The following SGCZ variants were observed in gnomAD, a reference collection of about 807,000 sequenced individuals.
The protein encoded by SGCZ is zeta-sarcoglycan.
Under a neutral mutation model 41.3 loss-of-function variants are expected in SGCZ, and 40 were observed. The observed-to-expected ratio is 0.97, with a 90% confidence interval of 0.75 to 1.26. The LOEUF (loss-of-function observed/expected upper bound fraction) is 1.26. SGCZ is among the 50% of genes most tolerant of loss of function. SGCZ has a pLI of 0.00. For synonymous variants in SGCZ, 206 were observed against 137.5 expected (o/e 1.50, Z -3.49); for missense variants, 552 against 369.8 (o/e 1.49, Z -4.04).
intron 1 of SGCZ, among the ~76,000 whole-genome samples, chr8:14,714,526 AT>A (rs1465800471): frequency 6.6e-6 from 1 of 152,140 alleles, no homozygotes; most frequent in African/African-American, 2.4e-5. Flanking sequence ...TCTAGAACAC[AT>A]TTTCTAAAAC....
intron 2 of SGCZ, among the ~76,000 whole-genome samples, chr8:14,384,731 T>G (rs1804505180): frequency 6.6e-6 from 1 of 152,124 alleles, no homozygotes; most frequent in South Asian, 2.1e-4. Flanking sequence ...GGCTAATTTT[T>G]GTAGAGACGA....
chr8:14,581,939 CCTGT>C (rs1804903555), intron 1 of SGCZ, among the ~76,000 whole-genome samples: 1 of 152,024 alleles, frequency 6.6e-6, no homozygotes, highest in South Asian at 2.1e-4. Context: ...AGTGAGTGTG[CCTGT>C]CTCTCATGCT....
chr8:14,459,674 A>G lies in SGCZ; in HGVS notation c.234+95058T>C, dbSNP rs986997905. On this transcript the variant is annotated intron_variant, in intron 2 of 7. Coordinates refer to ENST00000382080, the MANE Select transcript of SGCZ (RefSeq NM_139167.4). ...AAATGTAGCCAACAAAACTGTAAGGAAGTAATGATGCTTAACAACACTAGT... is the reference window on the plus strand; with the variant it reads ...AAATGTAGCCAACAAAACTGTAAGGGAGTAATGATGCTTAACAACACTAGT... Among the ~76,000 whole-genome samples the G allele has an allele frequency of 5.9e-5, 9 of 152,284 alleles. No individual in the cohort carries two copies. The East Asian group carries it at 1.5e-3, about 26-fold the overall frequency.
intron 1 of SGCZ, among the ~76,000 whole-genome samples, chr8:15,037,045 T>C (rs1017396277): frequency 6.6e-6 from 1 of 152,180 alleles, no homozygotes; most frequent in African/African-American, 2.4e-5. Flanking sequence ...CTGGACATCA[T>C]TTTATGATAC....
intron 1 of SGCZ, among the ~76,000 whole-genome samples, chr8:15,083,198 A>C (rs1805818685): frequency 6.6e-6 from 1 of 152,230 alleles, no homozygotes; most frequent in Non-Finnish European, 1.5e-5. Flanking sequence ...GATTATAAAC[A>C]TTCATATCAA....
intron 1 of SGCZ, among the ~76,000 whole-genome samples, chr8:15,182,467 C>T (rs184040496): frequency 1.3e-4 from 20 of 152,280 alleles, no homozygotes; most frequent in Non-Finnish European, 1.6e-4. Flanking sequence ...AGGCTACAAA[C>T]ATGTTTAGCA....
At chr8:14,758,359 T>C (rs1799752912) in intron 1 of SGCZ, among the ~76,000 whole-genome samples, 1 of 152,208 alleles carries the variant, frequency 6.6e-6, no homozygotes, top group Non-Finnish European at 1.5e-5. Context: ...AATTCAGTCA[T>C]TAATACTGAT....
intron 3 of SGCZ, among the ~76,000 whole-genome samples, chr8:14,297,886 A>C (rs565950322): frequency 2.6e-5 from 4 of 151,884 alleles, no homozygotes; most frequent in East Asian, 3.9e-4. Context: ...TTTGCCACTC[A>C]TTTTAGGAGG....
intron 1 of SGCZ, among the ~76,000 whole-genome samples, chr8:15,196,444 A>C (rs1430108084): frequency 6.6e-6 from 1 of 152,286 alleles, no homozygotes; most frequent in East Asian, 1.9e-4. Flanking sequence ...GCTAGAATAC[A>C]TGAAATGTTA....
intron 1 of SGCZ, among the ~76,000 whole-genome samples, chr8:14,915,544 C>T (rs1294251005): frequency 6.6e-6 from 1 of 152,128 alleles, no homozygotes; most frequent in Non-Finnish European, 1.5e-5. Flanking sequence ...CATCTTCCCT[C>T]CTCTTTGTCA....
At chr8:14,763,360 A>G (rs1415275727) in intron 1 of SGCZ, among the ~76,000 whole-genome samples, 3 of 152,172 alleles carry the variant, frequency 2.0e-5, no homozygotes, top group Non-Finnish European at 4.4e-5. Context: ...GAAACAAGCC[A>G]CAGAGTCCAA....
rs370130992 is a variant in SGCZ, at chr8:14,838,888, G to A, written c.40-283962C>T. ...AAGAGAGTCAGCATAGCGGGAACAG[G>A]GTAACCAAAGTGGTTAGAAGTAGGA... On this transcript the variant is annotated intron_variant, in intron 1 of 7. Coordinates refer to ENST00000382080, the MANE Select transcript of SGCZ (RefSeq NM_139167.4). 4.2e-4 allele frequency among the ~76,000 whole-genome samples: 64 copies of A among 152,154 alleles called. No homozygotes were observed. The East Asian group carries it at 4.5e-3, about 11-fold the overall frequency.
At chr8:14,514,697 A>G (rs1198655846) in intron 2 of SGCZ, among the ~76,000 whole-genome samples, 4 of 149,134 alleles carry the variant, frequency 2.7e-5, no homozygotes, top group Non-Finnish European at 5.9e-5. Context: ...ATATTTACAT[A>G]TATGTACACA....
Position 14,291,125 on chromosome 8 carries a change from A to G in SGCZ, c.336+32978T>C, listed in dbSNP as rs535763834. ...GTGTGGAATCTAAAAAGTTTTTATC[A>G]CAAAAGTACAGAGTAAAATAGCGGT... On this transcript the variant is annotated intron_variant, in intron 3 of 7. Coordinates refer to ENST00000382080, the MANE Select transcript of SGCZ (RefSeq NM_139167.4). 3.9e-5 allele frequency among the ~76,000 whole-genome samples: 6 copies of G among 152,182 alleles called. No homozygotes were observed. In the South Asian group the frequency reaches 1.2e-3, roughly 32 times the overall value.
chr8:14,484,192 C>T (rs142207971), intron 2 of SGCZ, among the ~76,000 whole-genome samples: 1 of 152,092 alleles, frequency 6.6e-6, no homozygotes, highest in Non-Finnish European at 1.5e-5. Flanking sequence ...CTATACAACT[C>T]AATGACGTTT....
intron 1 of SGCZ, among the ~76,000 whole-genome samples, chr8:14,769,816 C>CAAAAAAAAAAA (rs1800174947): frequency 1.1e-5 from 1 of 91,218 alleles, no homozygotes; most frequent in Non-Finnish European, 1.9e-5. Flanking sequence ...AAAAAAAAAA[C>CAAAAAAAAAAA]CCAGCAACAA....
At chr8:14,366,474 G>A (rs1413749404) in intron 2 of SGCZ, among the ~76,000 whole-genome samples, 1 of 152,070 alleles carries the variant, frequency 6.6e-6, no homozygotes, top group Non-Finnish European at 1.5e-5. Context: ...AAACACCTGT[G>A]GGTTACAATT....
In SGCZ at chr8:14,422,537, T is replaced by C. The variant is rs187739952; in HGVS notation, c.235-98333A>G. Among the ~76,000 whole-genome samples the C allele has an allele frequency of 1.4e-4, 21 of 152,248 alleles. No homozygotes were observed. The East Asian group carries it at 3.5e-3, about 25-fold the overall frequency. ...CACACTCATTGGTGAAATTCTGTAA[T>C]TGGAAACTGTAAAGAAAACTCACAT... On this transcript the variant is annotated intron_variant, in intron 2 of 7. Transcript: ENST00000382080.
At chr8:15,148,448 G>A (rs1213854830) in intron 1 of SGCZ, among the ~76,000 whole-genome samples, 2 of 152,136 alleles carry the variant, frequency 1.3e-5, no homozygotes, top group African/African-American at 2.4e-5. Flanking sequence ...GACCTCCTGG[G>A]TATTATAGCA....
Sources: gnomAD v4.1 joint callset for allele counts (sites outside exome capture counted in the v4.1 genomes callset) on GRCh38, gnomAD v4.1.1 for gene constraint, MANE v1.5 for transcripts, NCBI Gene and HGNC (gene_info 2026-07-23, HGNC 2026-07-21) for gene names.